The following PAK5 variants were observed in gnomAD, a reference collection of about 807,000 sequenced individuals.
The protein encoded by PAK5 is p21 (RAC1) activated kinase 5.
In PAK5, 16 loss-of-function variants were observed where a neutral mutation model predicts 65.9. The ratio of observed to expected loss-of-function variants is 0.24; its 90% CI spans 0.16 to 0.37. The LOEUF (loss-of-function observed/expected upper bound fraction) is 0.37, where lower values mean the gene tolerates loss of function less well. Among genes scored for constraint, PAK5 ranks in the 10% least tolerant of loss-of-function variants. The pLI is 1.00. For missense variants in PAK5, 785 were observed against 903.9 expected (o/e 0.87, Z 1.69); for synonymous variants, 371 against 354.9 (o/e 1.05, Z -0.51).
intron 1 of PAK5, among the ~76,000 whole-genome samples, chr20:9,832,541 G>C (rs979180288): frequency 2.6e-5 from 4 of 152,056 alleles, no homozygotes; most frequent in African/African-American, 9.7e-5. Flanking sequence ...CCAAAGTGCT[G>C]GTGTTATAGG....
intron 2 of PAK5, among the ~76,000 whole-genome samples, chr20:9,676,539 G>T (rs568253364): frequency 5.9e-5 from 9 of 152,002 alleles, no homozygotes; most frequent in Non-Finnish European, 1.2e-4. Flanking sequence ...AAACAGGAAA[G>T]AAAACAGGAT....
At chr20:9,778,883 T>G (rs1469728809) in intron 1 of PAK5, among the ~76,000 whole-genome samples, 1 of 151,718 alleles carries the variant, frequency 6.6e-6, no homozygotes, top group Non-Finnish European at 1.5e-5. Flanking sequence ...TTTGAGCCCC[T>G]CTAAACCCTC....
chr20:9,712,422 T>C (rs1311893661), intron 1 of PAK5, among the ~76,000 whole-genome samples: 2 of 152,180 alleles, frequency 1.3e-5, no homozygotes, highest in East Asian at 3.8e-4. Flanking sequence ...AAAGCAAATA[T>C]TATTTCTTAT....
At chr20:9,797,277 A>T (rs1055262892) in intron 1 of PAK5, among the ~76,000 whole-genome samples, 9 of 151,988 alleles carry the variant, frequency 5.9e-5, no homozygotes. Context: ...TTCTTTGTAG[A>T]TTGTGGATAT....
chr20:9,751,146 T>C (rs1350214499), intron 1 of PAK5, among the ~76,000 whole-genome samples: 16 of 152,188 alleles, frequency 1.1e-4, no homozygotes, highest in Non-Finnish European at 1.5e-5. Context: ...TCATTACTAA[T>C]GTATACAGAA....
intron 1 of PAK5, among the ~76,000 whole-genome samples, chr20:9,719,674 T>C (rs2048191213): frequency 6.6e-6 from 1 of 152,156 alleles, no homozygotes; most frequent in Non-Finnish European, 1.5e-5. Flanking sequence ...ACAGCTTGTA[T>C]TAACTAGATG....
intron 2 of PAK5, among the ~76,000 whole-genome samples, chr20:9,707,254 G>T (rs1270728241): frequency 6.6e-6 from 1 of 151,986 alleles, no homozygotes; most frequent in African/African-American, 2.4e-5. Flanking sequence ...AAAGCAGCTG[G>T]GATCACAGGC....
chr20:9,575,922 A>G (rs1310961353), intron 4 of PAK5, among the ~76,000 whole-genome samples: 1 of 152,230 alleles, frequency 6.6e-6, no homozygotes, highest in Non-Finnish European at 1.5e-5. Context: ...AAGTCCATAA[A>G]GATTTGGAGT....
At chr20:9,739,771 G>C (rs2048431458) in intron 1 of PAK5, among the ~76,000 whole-genome samples, 1 of 152,058 alleles carries the variant, frequency 6.6e-6, no homozygotes, top group Non-Finnish European at 1.5e-5. Flanking sequence ...AGGGAAGTAT[G>C]TTTTGTTCTC....
At chr20:9,602,339 T>A (rs952926213) in intron 3 of PAK5, among the ~76,000 whole-genome samples, 7 of 128,052 alleles carry the variant, frequency 5.5e-5, no homozygotes, top group Non-Finnish European at 6.7e-5. Context: ...AATAAATAAA[T>A]AAAATAAACT....
At chr20:9,582,570 C>T (rs2045997820) in intron 3 of PAK5, among the ~76,000 whole-genome samples, 1 of 152,164 alleles carries the variant, frequency 6.6e-6, no homozygotes, top group Non-Finnish European at 1.5e-5. Flanking sequence ...TTCTTATACA[C>T]ACAGTCACAC....
chr20:9,728,960 T>A (rs1012293765), intron 1 of PAK5, among the ~76,000 whole-genome samples: 4 of 152,158 alleles, frequency 2.6e-5, no homozygotes, highest in Admixed American at 1.3e-4. Flanking sequence ...AATTCCAATT[T>A]TGGGTAATTG....
chr20:9,621,512 G>A (rs2046768085), intron 3 of PAK5, among the ~76,000 whole-genome samples: 1 of 150,146 alleles, frequency 6.7e-6, no homozygotes. Context: ...AATATTAATG[G>A]GCTGATTTGA....
At chr20:9,778,852 G>A (rs768827039) in intron 1 of PAK5, among the ~76,000 whole-genome samples, 6 of 152,110 alleles carry the variant, frequency 3.9e-5, no homozygotes, top group Non-Finnish European at 8.8e-5. Flanking sequence ...AAACCGCAAC[G>A]TAAGTTGAGG....
chr20:9,610,498 C>G (rs937316960), intron 3 of PAK5, among the ~76,000 whole-genome samples: 4 of 152,160 alleles, frequency 2.6e-5, no homozygotes, highest in African/African-American at 9.7e-5. Context: ...AGCATTATTA[C>G]TTAAGATCAT....
At chr20:9,656,185 T>C (rs1304540448) in intron 2 of PAK5, among the ~76,000 whole-genome samples, 1 of 152,194 alleles carries the variant, frequency 6.6e-6, no homozygotes, top group East Asian at 1.9e-4. Context: ...TTGGTCTTCC[T>C]TAGCAAGCCG....
chr20:9,672,921 C>G (rs1437944891), intron 2 of PAK5, among the ~76,000 whole-genome samples: 1 of 152,154 alleles, frequency 6.6e-6, no homozygotes, highest in Non-Finnish European at 1.5e-5. Context: ...AATGCAATTC[C>G]TGCATTAGAT....
In PAK5 at chr20:9,724,864, A is replaced by T. The variant is rs965304904; in HGVS notation, c.-161-13429T>A. On this transcript the variant is annotated intron_variant, in intron 1 of 9. Coordinates refer to ENST00000353224, the MANE Select transcript of PAK5 (RefSeq NM_177990.4). Reference sequence around the variant, plus strand: ...AGTAGCATAATTATAGTAAAAAAAAATTTTAATTGCATATGTTAAAATAAC... The same window carrying T: ...AGTAGCATAATTATAGTAAAAAAAATTTTTAATTGCATATGTTAAAATAAC... Among the ~76,000 whole-genome samples, 19 of 152,224 alleles carry T rather than the reference A, an allele frequency of 1.2e-4. No individual in the cohort carries two copies. The South Asian group carries it at 3.1e-3, about 25-fold the overall frequency.
Position 9,721,607 on chromosome 20 carries a change from C to T in PAK5, c.-161-10172G>A, listed in dbSNP as rs538231131. 4.0e-5 allele frequency among the ~76,000 whole-genome samples: 5 copies of T among 126,426 alleles called. No homozygotes were observed. In the South Asian group the frequency reaches 1.0e-3, roughly 26 times the overall value. 82.9% of individuals were successfully genotyped at this position (126,426 alleles called of 152,430 possible). ...GGAGGAGGTTGCAGTGAGTTAAGAA[C>T]GCACCACTGCACTCCTAGCCTGGGT... On this transcript the variant is annotated intron_variant, in intron 1 of 9. Transcript: ENST00000353224.
Sources: allele counts gnomAD v4.1 joint callset (sites outside exome capture counted in the v4.1 genomes callset), GRCh38; gene constraint gnomAD v4.1.1; transcripts MANE v1.5; gene names NCBI Gene and HGNC (gene_info 2026-07-23, HGNC 2026-07-21).